NICN1: variants seen among roughly 807,000 people sequenced by gnomAD.
NICN1 encodes nicolin-1.
NICN1 carries 18 observed loss-of-function variants against 26.3 expected under a neutral mutation model. That is an observed-to-expected ratio of 0.68 (90% CI 0.47 to 1.01). The LOEUF (loss-of-function observed/expected upper bound fraction) is 1.01, where lower values mean the gene tolerates loss of function less well. Ranked by LOEUF, NICN1 falls within the 50% of genes least tolerant of loss-of-function variation. The pLI, the probability that NICN1 is intolerant of heterozygous loss-of-function variation, is 0.00. For missense variants in NICN1, 239 were observed against 278.3 expected (o/e 0.86, Z 1.00); for synonymous variants, 109 against 111.0 (o/e 0.98, Z 0.11).
In NICN1 at chr3:49,424,907, C is replaced by T. The variant is rs747376759; in HGVS notation, c.601-33G>A. On this transcript the variant is annotated intron_variant, in intron 5 of 5. Transcript: ENST00000273598. ...ACAAAAGACCATCAGGTCTGATCTG[C>T]TCAGGGCAAAGCAAGCCAAGCAGAA... The T allele has an allele frequency of 3.1e-6, 5 of 1,613,546 alleles. No individual in the cohort carries two copies. In the African/African-American group the frequency reaches 5.3e-5, roughly 17 times the overall value.
Position 49,422,738 on chromosome 3 carries a change from C to T in NICN1, c.*2095G>A. On this transcript the variant is annotated 3_prime_UTR_variant, in exon 6 of 6. Coordinates refer to ENST00000273598, the MANE Select transcript of NICN1 (RefSeq NM_032316.3). The stretch of plus-strand genomic sequence containing the variant: ...AAGCTAGGGGCTAGACCGCCCCCTG[C>T]AGAACCGCCCTGTCTCCAGAGGGTC... 1 of 547,640 alleles carries T rather than the reference C, an allele frequency of 1.8e-6. No homozygotes were observed. The highest frequency in any genetic ancestry group is 3.3e-6 in the Non-Finnish European group (1 of 300,760). 33.9% of individuals were successfully genotyped at this position (547,640 alleles called of 1,614,324 possible).
Position 49,422,526 on chromosome 3 carries a change from C to T in NICN1, c.*2307G>A. ...GCACGCCGGGAGATGTAGTCCAGGCCTCTGCTCGGACAGGTCTCTCTCCGG... is the reference window on the plus strand; with the variant it reads ...GCACGCCGGGAGATGTAGTCCAGGCTTCTGCTCGGACAGGTCTCTCTCCGG... On this transcript the variant is annotated 3_prime_UTR_variant, in exon 6 of 6. Transcript: ENST00000273598. 6.9e-7 allele frequency: 1 copy of T among 1,455,684 alleles called. No homozygotes were observed. Among genetic ancestry groups the T allele is most frequent in the South Asian group, 1.2e-5 (1 of 85,232 alleles). The allele number at this position is 1,455,684 out of a possible 1,614,324, so 90.2% of individuals were successfully genotyped here. A position where few individuals can be genotyped will look rare whatever the true frequency, so the allele number is the denominator to read the frequency against.
chr3:49,423,657 G>A lies in NICN1; in HGVS notation c.*1176C>T, dbSNP rs1048572866. On this transcript the variant is annotated 3_prime_UTR_variant, in exon 6 of 6. Transcript: ENST00000273598. Reference sequence around the variant, plus strand: ...TGTAATCCCAGCTACTCGGGAGACTGAGGCAGGAGAATTGCTTGAACCTGG... The same window carrying A: ...TGTAATCCCAGCTACTCGGGAGACTAAGGCAGGAGAATTGCTTGAACCTGG... 5.9e-5 allele frequency: 9 copies of A among 152,158 alleles called. No individual in the cohort carries two copies. Among genetic ancestry groups the A allele is most frequent in the African/African-American group, 2.2e-4 (9 of 41,432 alleles). The allele number at this position is 152,158 out of a possible 1,614,324, so 9.4% of individuals were successfully genotyped here.
Position 49,424,821 on chromosome 3 carries a change from A to T in NICN1, c.*12T>A, listed in dbSNP as rs2049157429. ...GCACAGAAAGGCCAACATCTTGGCT[A>T]GGAGCAACCATTCAAGTGTAGGAGA... On this transcript the variant is annotated 3_prime_UTR_variant, in exon 6 of 6. Coordinates refer to ENST00000273598, the MANE Select transcript of NICN1 (RefSeq NM_032316.3). 1.9e-6 allele frequency: 3 copies of T among 1,613,110 alleles called. No homozygotes were observed. The highest frequency in any genetic ancestry group is 2.5e-6 in the Non-Finnish European group (3 of 1,179,108).
At chr3:49,426,028 T>C in intron 2 of NICN1, 32 bp from the exon 3 acceptor site, 1 of 1,416,754 alleles carries the variant, frequency 7.1e-7, no homozygotes, top group South Asian at 1.2e-5. Flanking sequence ...CCAGCAAGGA[T>C]CCAGCTCACT....
intron 1 of NICN1, among the ~76,000 whole-genome samples, chr3:49,427,422 T>C (rs938598011): frequency 4.0e-5 from 6 of 151,430 alleles, no homozygotes; most frequent in Non-Finnish European, 5.9e-5. Flanking sequence ...GGGTGGATCA[T>C]TTAAGTTCAG....
At chr3:49,426,499 G>A in intron 1 of NICN1, 71 bp from the exon 2 acceptor site, 2 of 1,143,412 alleles carry the variant, frequency 1.7e-6, no homozygotes, top group Non-Finnish European at 2.5e-6. Flanking sequence ...AAAGATCAAA[G>A]GTGCCACCTC....
rs1161121883 is a variant in NICN1, at chr3:49,422,750, G to T, written c.*2083C>A. On this transcript the variant is annotated 3_prime_UTR_variant, in exon 6 of 6. Coordinates refer to ENST00000273598, the MANE Select transcript of NICN1 (RefSeq NM_032316.3). The stretch of plus-strand genomic sequence containing the variant: ...AGACCGCCCCCTGCAGAACCGCCCT[G>T]TCTCCAGAGGGTCAAAGTTCTGGAA... 1.9e-6 allele frequency: 1 copy of T among 517,244 alleles called. No homozygotes were observed. Among genetic ancestry groups the T allele is most frequent in the Non-Finnish European group, 3.5e-6 (1 of 283,162 alleles). 32.0% of individuals were successfully genotyped at this position (517,244 alleles called of 1,614,324 possible). A position where few individuals can be genotyped will look rare whatever the true frequency, so the allele number is the denominator to read the frequency against.
chr3:49,426,492 G>T, intron 1 of NICN1, 64 bp from the exon 2 acceptor site: 4 of 1,288,034 alleles, frequency 3.1e-6, no homozygotes, highest in South Asian at 1.3e-5. Flanking sequence ...AAAGCTCAAA[G>T]ATCAAAGGTG....
intron 1 of NICN1, among the ~76,000 whole-genome samples, chr3:49,427,264 T>C (rs1054149004): frequency 1.4e-5 from 2 of 144,916 alleles, no homozygotes; most frequent in Non-Finnish European, 3.0e-5. Flanking sequence ...GAGCTTGCAG[T>C]GAGCTGAGAT....
chr3:49,428,450 G>A (rs149324756), intron 1 of NICN1, among the ~76,000 whole-genome samples: 106 of 152,176 alleles, frequency 7.0e-4, no homozygotes, highest in African/African-American at 2.1e-3. Flanking sequence ...GGCCGGGTGC[G>A]GTGGCTCAAG....
chr3:49,426,165 T>C, intron 2 of NICN1, 87 bp downstream of exon 2: 4 of 1,400,530 alleles, frequency 2.9e-6, no homozygotes, highest in Non-Finnish European at 3.9e-6. Flanking sequence ...ACTGGCCCCC[T>C]CTTCCCTCTT....
intron 1 of NICN1, among the ~76,000 whole-genome samples, chr3:49,427,892 C>T (rs2049188188): frequency 6.6e-6 from 1 of 151,990 alleles, no homozygotes; most frequent in Non-Finnish European, 1.5e-5. Flanking sequence ...TTAAGTTTCC[C>T]ATTTGATGGT....
In NICN1 at chr3:49,422,573, G is replaced by T. The variant is rs1045119115; in HGVS notation, c.*2260C>A. ...CCGGAGCAAAGGATCTGAAGGGGGC[G>T]TGGGCAGCCCCAAGGGCAGGCTGGG... On this transcript the variant is annotated 3_prime_UTR_variant, in exon 6 of 6. Coordinates refer to ENST00000273598, the MANE Select transcript of NICN1 (RefSeq NM_032316.3). The T allele has an allele frequency of 1.6e-5, 17 of 1,088,452 alleles. No homozygotes were observed. Among genetic ancestry groups the T allele is most frequent in the Middle Eastern group, 2.6e-4 (1 of 3,882 alleles). 67.4% of individuals were successfully genotyped at this position (1,088,452 alleles called of 1,614,324 possible).
chr3:49,422,333 C>G lies in NICN1; in HGVS notation c.*2500G>C. 6.2e-7 allele frequency: 1 copy of G among 1,613,878 alleles called. No individual in the cohort carries two copies. The highest frequency in any genetic ancestry group is 8.5e-7 in the Non-Finnish European group (1 of 1,179,926). On this transcript the variant is annotated 3_prime_UTR_variant, in exon 6 of 6. Coordinates refer to ENST00000273598, the MANE Select transcript of NICN1 (RefSeq NM_032316.3). ...GCCCCCAGCCGCTTCCCTCCCCCACCCTCCAAGATCAGCACCCTCTATCCC... is the reference window on the plus strand; with the variant it reads ...GCCCCCAGCCGCTTCCCTCCCCCACGCTCCAAGATCAGCACCCTCTATCCC...
At chr3:49,427,644 G>A (rs75924609) in intron 1 of NICN1, among the ~76,000 whole-genome samples, 119 of 102,736 alleles carry the variant, frequency 1.2e-3, no homozygotes, top group African/African-American at 1.7e-3. Context: ...CTACCTCTCA[G>A]AAAAAAAAAA....
intron 1 of NICN1, among the ~76,000 whole-genome samples, chr3:49,427,248 G>A (rs1344111674): frequency 2.6e-5 from 4 of 151,438 alleles, no homozygotes; most frequent in East Asian, 1.9e-4. Flanking sequence ...GTGAACCCAG[G>A]AGGCGGAGCT....
At chr3:49,425,316 T>C in intron 4 of NICN1, 51 bp downstream of exon 4, 1 of 1,486,900 alleles carries the variant, frequency 6.7e-7, no homozygotes, top group Non-Finnish European at 9.3e-7. Context: ...CTGGCCTGTG[T>C]TGGACACTAG....
In NICN1 at chr3:49,422,371, C is replaced by G. The variant is rs2049123241; in HGVS notation, c.*2462G>C. 6.2e-7 allele frequency: 1 copy of G among 1,613,386 alleles called. No individual in the cohort carries two copies. The highest frequency in any genetic ancestry group is 1.1e-5 in the South Asian group (1 of 91,064). ...CACCCTCTATCCCACCTGTGCGCAA[C>G]TAAGTGGACGACACAAGGCCGGGGG... On this transcript the variant is annotated 3_prime_UTR_variant, in exon 6 of 6. Coordinates refer to ENST00000273598, the MANE Select transcript of NICN1 (RefSeq NM_032316.3).
Sources: allele counts gnomAD v4.1 joint callset (sites outside exome capture counted in the v4.1 genomes callset), GRCh38; gene constraint gnomAD v4.1.1; transcripts MANE v1.5; gene names NCBI Gene and HGNC (gene_info 2026-07-23, HGNC 2026-07-21).